Variants in NAALAD2 observed in about 807,000 individuals in gnomAD.
NAALAD2 encodes the protein N-acetylated alpha-linked acidic dipeptidase 2.
In NAALAD2, 89 loss-of-function variants were observed where a neutral mutation model predicts 95.6. The ratio of observed to expected loss-of-function variants is 0.93; its 90% CI spans 0.78 to 1.11. The LOEUF (loss-of-function observed/expected upper bound fraction) is 1.11, where lower values mean the gene tolerates loss of function less well. NAALAD2 is among the 50% of genes least tolerant of loss of function. The pLI, the probability that NAALAD2 is intolerant of heterozygous loss-of-function variation, is 0.00. For synonymous variants in NAALAD2, 264 were observed against 294.4 expected (o/e 0.90, Z 1.06); for missense variants, 894 against 872.4 (o/e 1.02, Z -0.31).
chr11:90,183,860 T>G (rs901391992), intron 18 of NAALAD2, among the ~76,000 whole-genome samples: 13 of 152,202 alleles, frequency 8.5e-5, no homozygotes, highest in African/African-American at 3.1e-4. Flanking sequence ...ATTTTCAGTT[T>G]ATGATGGTTT....
At chr11:90,170,270 A>G (rs917760614) in intron 13 of NAALAD2, 134 bp downstream of exon 13, 15 of 626,236 alleles carry the variant, frequency 2.4e-5, no homozygotes, top group African/African-American at 1.8e-4. Flanking sequence ...ACAAAACAAA[A>G]TCTTTAATAT....
At chr11:90,152,539 T>C (rs965586095) in intron 6 of NAALAD2, 55 bp downstream of exon 6, 7 of 1,364,930 alleles carry the variant, frequency 5.1e-6, no homozygotes, top group African/African-American at 1.4e-5. Context: ...CTTGCCCTTT[T>C]AGAAGGAATA....
At chr11:90,185,035 AG>A (rs1275848665) in intron 18 of NAALAD2, among the ~76,000 whole-genome samples, 1 of 152,128 alleles carries the variant, frequency 6.6e-6, no homozygotes, top group African/African-American at 2.4e-5. Context: ...ATATGCAAAT[AG>A]TAAGCCATTT....
intron 3 of NAALAD2, among the ~76,000 whole-genome samples, chr11:90,148,793 T>A (rs1002320030): frequency 6.6e-5 from 10 of 152,158 alleles, no homozygotes; most frequent in African/African-American, 2.4e-4. Context: ...AAACTTTTGG[T>A]TACCTGGGAT....
chr11:90,178,246 A>G (rs1416000158), intron 16 of NAALAD2, 129 bp downstream of exon 16: 10 of 1,069,040 alleles, frequency 9.4e-6, no homozygotes, highest in Non-Finnish European at 1.3e-5. Flanking sequence ...TGACTTCTAC[A>G]CAAAAACTTA....
At chr11:90,155,364 TA>T (rs1565522459) in intron 6 of NAALAD2, among the ~76,000 whole-genome samples, 2,749 of 99,930 alleles carry the variant, frequency 0.028, 67 homozygotes, top group East Asian at 0.083. Flanking sequence ...ACATGTATAA[TA>T]TGTAATATTA....
rs759662659 is a variant in NAALAD2, at chr11:90,177,813, T to C, written c.1594-40T>C. Reference sequence around the variant, plus strand: ...CATAAAAATATTATAACTTGAATATTTAATGTTTATTTATACTTGCCTCTC... The same window carrying C: ...CATAAAAATATTATAACTTGAATATCTAATGTTTATTTATACTTGCCTCTC... On this transcript the variant is annotated intron_variant, in intron 15 of 18. Coordinates refer to ENST00000534061, the MANE Select transcript of NAALAD2 (RefSeq NM_005467.4). 6 of 1,531,316 alleles carry C rather than the reference T, an allele frequency of 3.9e-6. No individual in the cohort carries two copies. In the Admixed American group the frequency reaches 1.2e-4, roughly 32 times the overall value. The allele number at this position is 1,531,316 out of a possible 1,614,324, so 94.9% of individuals were successfully genotyped here.
In NAALAD2 at chr11:90,150,582, A is replaced by G; in HGVS notation, c.584A>G (p.Tyr195Cys). Reference protein sequence around the residue: ...NCTGKIVIARYGKIFRGNKVK... With the variant: ...NCTGKIVIARCGKIFRGNKVK... ...ACTGGGAAGATTGTTATTGCAAGAT[A>G]TGGAAAAATCTTCAGAGGAAATAAA... Residue 195 changes from tyrosine to cysteine, a missense_variant, in exon 5 of 19, where the codon TAT becomes TGT. Coordinates refer to ENST00000534061, the MANE Select transcript of NAALAD2 (RefSeq NM_005467.4). 6.3e-7 allele frequency: 1 copy of G among 1,599,108 alleles called. No individual in the cohort carries two copies. The highest frequency in any genetic ancestry group is 2.2e-5 in the East Asian group (1 of 44,588).
At chr11:90,149,173 G>C in intron 4 of NAALAD2, 66 bp downstream of exon 4, 1 of 1,015,420 alleles carries the variant, frequency 9.8e-7, no homozygotes, top group South Asian at 1.7e-5. Flanking sequence ...AACCTGTATG[G>C]AGGACTAAAA....
In NAALAD2 at chr11:90,191,870, C is replaced by A; in HGVS notation, c.*123C>A. ...TTTCATGTCATGTTTTGATTATAGG[C>A]TTTGGTCTTTTCATCTGCAAAGCCT... On this transcript the variant is annotated 3_prime_UTR_variant, in exon 19 of 19. Transcript: ENST00000534061. 1 of 699,932 alleles carries A rather than the reference C, an allele frequency of 1.4e-6. No individual in the cohort carries two copies. The allele number at this position is 699,932 out of a possible 1,614,324, so 43.4% of individuals were successfully genotyped here. A position where few individuals can be genotyped will look rare whatever the true frequency, so the allele number is the denominator to read the frequency against.
At position 90,170,128 on chromosome 11, in the gene NAALAD2, A is replaced by T; in HGVS notation, c.1402A>T (p.Thr468Ser). The change falls in exon 13 of 19, where the codon ACA (threonine) becomes TCA (serine). Residue 468 changes from threonine (T) to serine (S), a missense_variant. Transcript: ENST00000534061. ...PLLYQLVYKL[T>S]KEIPSPDDGF... ...TCTTTACCAATTAGTGTATAAACTG[A>T]CAAAAGAGGTATATAAGGAAATGTG... 1 of 1,575,658 alleles carries T rather than the reference A, an allele frequency of 6.3e-7. No homozygotes were observed.
rs1208963443 is a variant in NAALAD2, at chr11:90,158,986, A to G, written c.891-253A>G. The G allele has an allele frequency of 1.3e-5, 5 of 393,952 alleles. No individual in the cohort carries two copies. In the Admixed American group the frequency reaches 2.2e-4, roughly 17 times the overall value. 24.4% of individuals were successfully genotyped at this position (393,952 alleles called of 1,614,324 possible). A position where few individuals can be genotyped will look rare whatever the true frequency, so the allele number is the denominator to read the frequency against. ...TCAAAAATAAGGAGATAGCCTTCCC[A>G]TTTGCCATGACTACTTTATTTTTTC... On this transcript the variant is annotated intron_variant, in intron 7 of 18. Transcript: ENST00000534061.
intron 16 of NAALAD2, among the ~76,000 whole-genome samples, chr11:90,178,481 CTAT>C (rs1313555809): frequency 6.6e-6 from 1 of 152,008 alleles, no homozygotes; most frequent in Non-Finnish European, 1.5e-5. Flanking sequence ...ACCATTCTGG[CTAT>C]TATGGTGAAA....
chr11:90,149,757 A>C (rs563316402), intron 4 of NAALAD2, among the ~76,000 whole-genome samples: 114 of 152,260 alleles, frequency 7.5e-4, no homozygotes, highest in Non-Finnish European at 1.5e-3. Flanking sequence ...TGTTTTTACA[A>C]GCTTCTTTCC....
intron 14 of NAALAD2, among the ~76,000 whole-genome samples, chr11:90,175,172 C>T (rs1260223959): frequency 6.6e-6 from 1 of 152,108 alleles, no homozygotes; most frequent in Non-Finnish European, 1.5e-5. Context: ...CAGTTTATAG[C>T]TTTATTCCTC....
intron 2 of NAALAD2, among the ~76,000 whole-genome samples, chr11:90,146,686 C>T (rs778020081): frequency 4.6e-5 from 7 of 151,894 alleles, no homozygotes; most frequent in Non-Finnish European, 1.0e-4. Context: ...AAATATTATT[C>T]ACCCCAAGTA....
chr11:90,191,590 A>G lies in NAALAD2; in HGVS notation c.2066A>G (p.Lys689Arg). 1 of 1,596,686 alleles carries G rather than the reference A, an allele frequency of 6.3e-7. No individual in the cohort carries two copies. The highest frequency in any genetic ancestry group is 8.5e-7 in the Non-Finnish European group (1 of 1,172,110). Residue 689 changes from lysine to arginine, a missense_variant, in exon 19 of 19, where the codon AAA becomes AGA. Lys to Arg is a conservative substitution (Grantham distance 26). Coordinates refer to ENST00000534061, the MANE Select transcript of NAALAD2 (RefSeq NM_005467.4). ...HIIFAPSSHN[K>R]YAGESFPGIY... ...ATATTTGCTCCAAGTAGCCACAACAAATATGCTGGAGAATCATTTCCTGGA... is the reference window on the plus strand; with the variant it reads ...ATATTTGCTCCAAGTAGCCACAACAGATATGCTGGAGAATCATTTCCTGGA...
rs1365568088 is a variant in NAALAD2 at position 90,173,933 on chromosome 11, A to T, written c.1502+18A>T. The T allele has an allele frequency of 6.7e-7, 1 of 1,487,804 alleles. No individual in the cohort carries two copies. The allele number at this position is 1,487,804 out of a possible 1,614,324, so 92.2% of individuals were successfully genotyped here. On this transcript the variant is annotated intron_variant, in intron 14 of 18. Transcript: ENST00000534061. ...TTGCCTAGGTAAGTTACTGATATGC[A>T]CCTTTTCTACTGTAGGATAAGTTAT...
Position 90,134,826 on chromosome 11 carries a change from T to C in NAALAD2, c.68T>C (p.Met23Thr). ...CLAAALASFL[M>T]GFMVGWFIKP... ...GCTGCTGCGCTGGCATCTTTCCTGA[T>C]GGGATTTATGGTGGGTAAGTGAACA... Residue 23 changes from methionine (M) to threonine (T), a missense_variant, in exon 1 of 19, where the codon ATG becomes ACG. Physicochemically the swap from Met to Thr is moderately conservative, Grantham distance 81 (BLOSUM62 -1). Transcript: ENST00000534061. The C allele has an allele frequency of 6.2e-7, 1 of 1,614,138 alleles. No individual in the cohort carries two copies. Among genetic ancestry groups the C allele is most frequent in the Non-Finnish European group, 8.5e-7 (1 of 1,180,008 alleles).
Sources: gnomAD v4.1 joint callset for allele counts (sites outside exome capture counted in the v4.1 genomes callset) on GRCh38, gnomAD v4.1.1 for gene constraint, MANE v1.5 for transcripts, NCBI Gene and HGNC (gene_info 2026-07-23, HGNC 2026-07-21) for gene names.